The following DOCK4 variants were observed in gnomAD, a reference collection of about 807,000 sequenced individuals.
DOCK4 encodes the protein dedicator of cytokinesis 4, also known as dedicator of cytokinesis protein 4.
In DOCK4, 97 loss-of-function variants were observed where a neutral mutation model predicts 268.1. The observed-to-expected ratio is 0.36, with a 90% CI of 0.31 to 0.43. DOCK4 has a LOEUF of 0.43. Among genes scored for constraint, DOCK4 ranks in the 20% least tolerant of loss-of-function variants. The pLI, the probability that DOCK4 is intolerant of heterozygous loss-of-function variation, is 1.00. For synonymous variants in DOCK4, 954 were observed against 887.2 expected, an observed-to-expected ratio of 1.08 and a Z score of -1.34; for missense variants, 2,145 against 2,455.7, an observed-to-expected ratio of 0.87 and a Z score of 2.67.
intron 23 of DOCK4, among the ~76,000 whole-genome samples, chr7:111,853,029 T>C (rs1232084027): frequency 1.3e-5 from 2 of 152,156 alleles, no homozygotes; most frequent in African/African-American, 4.8e-5. Flanking sequence ...TCTCCTTGAG[T>C]GTATAAGGAG....
chr7:111,833,412 C>T (rs1021763904), intron 26 of DOCK4, among the ~76,000 whole-genome samples: 2 of 151,942 alleles, frequency 1.3e-5, no homozygotes, highest in Non-Finnish European at 2.9e-5. Context: ...AGTGTGGTAG[C>T]ATGTGCCTGT....
intron 14 of DOCK4, among the ~76,000 whole-genome samples, chr7:111,901,011 C>A (rs915865050): frequency 1.3e-5 from 2 of 152,136 alleles, no homozygotes; most frequent in Admixed American, 6.5e-5. Flanking sequence ...AGTCTTCATG[C>A]CTATTTTGGT....
At chr7:111,733,934 G>A (rs1795288818) in intron 51 of DOCK4, among the ~76,000 whole-genome samples, 1 of 152,126 alleles carries the variant, frequency 6.6e-6, no homozygotes, top group Non-Finnish European at 1.5e-5. Flanking sequence ...TAAACTAGGT[G>A]GCACATAGTT....
chr7:111,916,029 G>A lies in DOCK4; in HGVS notation c.1067-125C>T, dbSNP rs1374406011. 4.4e-5 allele frequency: 42 copies of A among 963,808 alleles called. No individual in the cohort carries two copies. The South Asian group carries it at 5.1e-4, about 12-fold the overall frequency. 59.7% of individuals were successfully genotyped at this position (963,808 alleles called of 1,614,324 possible). ...TTAAACTAAGGGTTAATATTCCGAC[G>A]AAATCGACAGAATCTATATGAATCA... On this transcript the variant is annotated intron_variant, in intron 12 of 52. Transcript: ENST00000428084.
chr7:111,859,751 TAG>T (rs2134165846), intron 23 of DOCK4, among the ~76,000 whole-genome samples: 1 of 151,744 alleles, frequency 6.6e-6, no homozygotes, highest in African/African-American at 2.4e-5. Context: ...GTATTTTTAG[TAG>T]AGACGGGGTT....
Position 112,044,872 on chromosome 7 carries a change from T to A in DOCK4, c.38-40741A>T, listed in dbSNP as rs146224335. On this transcript the variant is annotated intron_variant, in intron 1 of 52. Transcript: ENST00000428084. Reference sequence around the variant, plus strand: ...TGGCCCAAGCTCTCACCATCTCTCATTTTGTCTATTGCTACAGTTTCTAAC... The same window carrying A: ...TGGCCCAAGCTCTCACCATCTCTCAATTTGTCTATTGCTACAGTTTCTAAC... Among the ~76,000 whole-genome samples, 8 of 152,224 alleles carry A rather than the reference T, an allele frequency of 5.3e-5. No individual in the cohort carries two copies. The East Asian group carries it at 1.5e-3, about 29-fold the overall frequency.
intron 19 of DOCK4, 61 bp downstream of exon 19, chr7:111,872,208 C>G: frequency 7.2e-7 from 1 of 1,391,362 alleles, no homozygotes; most frequent in South Asian, 1.4e-5. Context: ...GAACCAGCCT[C>G]ATGAAAGTCA....
chr7:112,181,639 CA>C lies in DOCK4; in HGVS notation c.37+24462del, dbSNP rs55807955. 2.3e-3 allele frequency among the ~76,000 whole-genome samples: 153 copies of C among 65,370 alleles called. 1 individual carries two copies. Among genetic ancestry groups the C allele is most frequent in the African/African-American group, 7.3e-3 (108 of 14,716 alleles). 42.9% of individuals were successfully genotyped at this position (65,370 alleles called of 152,430 possible). ...TGAGCAACAGAGTAAGACACTGTCT[CA>C]AAAAAAAAAAAAAAAAAAAGCTTGA... is the stretch of plus-strand genomic sequence containing the variant. On this transcript the variant is annotated intron_variant, in intron 1 of 52. Transcript: ENST00000428084.
Position 111,728,407 on chromosome 7 carries a change from GGGAT to G in DOCK4, c.5791_5794del (p.Ile1931ProfsTer71). On this transcript the variant is annotated frameshift_variant, in exon 53 of 53. Coordinates refer to ENST00000428084, the MANE Select transcript of DOCK4 (RefSeq NM_001363540.2). LOFTEE classifies it high-confidence loss of function. ...CAGCGCGGGCGGCTCCGACGTGACG[GGGAT>G]GGAGAGGCTGTGAGGTAGCGGGACG... The G allele has an allele frequency of 4.5e-6, 7 of 1,571,180 alleles. No homozygotes were observed. Among genetic ancestry groups the G allele is most frequent in the Non-Finnish European group, 6.1e-6 (7 of 1,156,990 alleles).
intron 6 of DOCK4, among the ~76,000 whole-genome samples, chr7:111,988,079 G>T (rs1799191257): frequency 6.6e-6 from 1 of 152,158 alleles, no homozygotes; most frequent in African/African-American, 2.4e-5. Flanking sequence ...CTTCAAATTG[G>T]TTTTTCCACA....
intron 20 of DOCK4, among the ~76,000 whole-genome samples, chr7:111,871,569 A>C (rs1806433155): frequency 6.6e-6 from 1 of 152,286 alleles, no homozygotes; most frequent in Middle Eastern, 3.4e-3. Flanking sequence ...TCCTAACATA[A>C]ATGAATGGAT....
intron 1 of DOCK4, among the ~76,000 whole-genome samples, chr7:112,119,779 G>A (rs1004039470): frequency 6.6e-6 from 1 of 151,776 alleles, no homozygotes; most frequent in East Asian, 1.9e-4. Flanking sequence ...TGCAGCTGCC[G>A]TAAGGATTAT....
chr7:111,826,877 A>C (rs1802436278), intron 26 of DOCK4, among the ~76,000 whole-genome samples: 3 of 152,228 alleles, frequency 2.0e-5, no homozygotes. Context: ...CCTGAATCTA[A>C]AAATTTTTTA....
intron 23 of DOCK4, among the ~76,000 whole-genome samples, chr7:111,850,614 G>A (rs1272988227): frequency 6.6e-6 from 1 of 152,128 alleles, no homozygotes; most frequent in Non-Finnish European, 1.5e-5. Context: ...TGCCTTAACT[G>A]ATGACATTCC....
chr7:111,996,143 C>G (rs1799936335), intron 4 of DOCK4, among the ~76,000 whole-genome samples: 2 of 152,152 alleles, frequency 1.3e-5, no homozygotes. Flanking sequence ...AGGAATTAAA[C>G]AATACAGAAG....
chr7:111,730,645 A>AC (rs1795020503), intron 52 of DOCK4, among the ~76,000 whole-genome samples: 1 of 151,702 alleles, frequency 6.6e-6, no homozygotes, highest in African/African-American at 2.4e-5. Context: ...TAAAAAAAAA[A>AC]CCCAAAACCC....
At chr7:111,840,467 A>G (rs1803592427) in intron 25 of DOCK4, among the ~76,000 whole-genome samples, 1 of 152,208 alleles carries the variant, frequency 6.6e-6, no homozygotes, top group African/African-American at 2.4e-5. Flanking sequence ...ATACTGCTTT[A>G]TAAAATCTGC....
intron 1 of DOCK4, among the ~76,000 whole-genome samples, chr7:112,139,913 C>G (rs1361896716): frequency 6.6e-6 from 1 of 152,088 alleles, no homozygotes; most frequent in Non-Finnish European, 1.5e-5. Context: ...CTGTGAGGAG[C>G]TCCAACCAAG....
At chr7:111,905,679 A>ATGTGTG (rs564671787) in intron 13 of DOCK4, among the ~76,000 whole-genome samples, 26 of 115,348 alleles carry the variant, frequency 2.3e-4, no homozygotes, top group African/African-American at 7.0e-4. Flanking sequence ...ATATATATGC[A>ATGTGTG]TGTATGTGTG....
Sources: allele counts gnomAD v4.1 joint callset (sites outside exome capture counted in the v4.1 genomes callset), GRCh38; gene constraint gnomAD v4.1.1; transcripts MANE v1.5; gene names NCBI Gene and HGNC (gene_info 2026-07-23, HGNC 2026-07-21).